Variants in CASR observed in about 807,000 individuals in gnomAD.
CASR encodes extracellular calcium-sensing receptor.
In CASR, 23 loss-of-function variants were observed where a neutral mutation model predicts 69.1. The ratio of observed to expected loss-of-function variants is 0.33; its 90% CI spans 0.24 to 0.47. The LOEUF (loss-of-function observed/expected upper bound fraction) is 0.47. Among genes scored for constraint, CASR ranks in the 20% least tolerant of loss-of-function variants. CASR has a pLI of 1.00. For synonymous variants in CASR, 541 were observed against 544.7 expected, an observed-to-expected ratio of 0.99 and a Z score of 0.10; for missense variants, 924 against 1,356.1, an observed-to-expected ratio of 0.68 and a Z score of 5.00.
chr3:122,244,989 T>C (rs2107617085), intron 1 of CASR, among the ~76,000 whole-genome samples: 1 of 152,294 alleles, frequency 6.6e-6, no homozygotes, highest in South Asian at 2.1e-4. Context: ...TTCTACCACA[T>C]ATTTTCTGGT....
intron 1 of CASR, among the ~76,000 whole-genome samples, chr3:122,245,184 G>T (rs1011157507): frequency 6.6e-6 from 1 of 152,108 alleles, no homozygotes; most frequent in Admixed American, 6.5e-5. Context: ...AATATAACGT[G>T]AATGCTCCAT....
intron 4 of CASR, among the ~76,000 whole-genome samples, chr3:122,271,451 A>G (rs2074756570): frequency 6.6e-6 from 1 of 152,140 alleles, no homozygotes; most frequent in Non-Finnish European, 1.5e-5. Context: ...TGGACTTGCC[A>G]TGTCTCATTA....
At chr3:122,237,653 A>G (rs1390839689) in intron 1 of CASR, among the ~76,000 whole-genome samples, 1 of 152,256 alleles carries the variant, frequency 6.6e-6, no homozygotes, top group East Asian at 1.9e-4. Flanking sequence ...AAGATTACAT[A>G]TAGTATGATA....
At position 122,262,106 on chromosome 3, in the gene CASR, C is replaced by T. The variant is rs778151252; in HGVS notation, c.1071C>T (p.Asn357=). 1 of 1,614,196 alleles carries T rather than the reference C, an allele frequency of 6.2e-7. No homozygotes were observed. The highest frequency in any genetic ancestry group is 1.1e-5 in the South Asian group (1 of 91,082). Residue 357 remains asparagine (N), a synonymous_variant, in exon 4 of 7, where the codon AAC becomes AAT. Transcript: ENST00000639785. ...AGGAGTTTTGGGAAGAAACATTTAA[C>T]TGCCACCTCCAAGAAGGTGCAAAAG... ...FAKEFWEETF[N]CHLQEGAKGP... is the part of the protein sequence containing the mutation.
intron 1 of CASR, among the ~76,000 whole-genome samples, chr3:122,238,220 T>A (rs183931465): frequency 4.6e-5 from 7 of 152,276 alleles, no homozygotes; most frequent in African/African-American, 1.7e-4. Context: ...AGTGGCCGTG[T>A]GGTGCAAGAG....
At chr3:122,258,003 C>A (rs551406629) in intron 3 of CASR, among the ~76,000 whole-genome samples, 1 of 152,212 alleles carries the variant, frequency 6.6e-6, no homozygotes, top group Admixed American at 6.5e-5. Context: ...CATTTACTAA[C>A]AGTTTATTGA....
chr3:122,241,115 C>A (rs1459037920), intron 1 of CASR, among the ~76,000 whole-genome samples: 1 of 151,670 alleles, frequency 6.6e-6, no homozygotes, highest in Non-Finnish European at 1.5e-5. Flanking sequence ...AATGATGCAT[C>A]TTAAAGAACT....
chr3:122,257,468 C>T (rs746089493), intron 3 of CASR, 81 bp downstream of exon 3: 13 of 991,286 alleles, frequency 1.3e-5, no homozygotes, highest in African/African-American at 7.9e-5. Context: ...AATAGCCATA[C>T]GGTTTACCAT....
chr3:122,211,939 G>A (rs2074071595), intron 1 of CASR, among the ~76,000 whole-genome samples: 1 of 152,150 alleles, frequency 6.6e-6, no homozygotes, highest in Non-Finnish European at 1.5e-5. Context: ...TGGAGAAATA[G>A]GAATGCTTTT....
At chr3:122,199,436 C>T (rs6764691) in intron 1 of CASR, among the ~76,000 whole-genome samples, 26,602 of 152,096 alleles carry the variant, frequency 0.17, 2,411 homozygotes, top group African/African-American at 0.21. Context: ...ATTGTATTTG[C>T]AGTGGTGTTT....
chr3:122,274,753 A>T (rs3792289), intron 4 of CASR, among the ~76,000 whole-genome samples: 3 of 152,122 alleles, frequency 2.0e-5, no homozygotes, highest in Admixed American at 6.5e-5. Context: ...CCAAAAAAAA[A>T]TTAGCTCAGA....
chr3:122,252,468 G>GAAAGAA (rs2074507561), intron 1 of CASR, among the ~76,000 whole-genome samples: 1 of 88,546 alleles, frequency 1.1e-5, no homozygotes, highest in Non-Finnish European at 2.2e-5. Context: ...AGAAAGAAAA[G>GAAAGAA]AAAAGAAGGG....
At chr3:122,206,493 AT>A (rs1359198369) in intron 1 of CASR, among the ~76,000 whole-genome samples, 2 of 151,874 alleles carry the variant, frequency 1.3e-5, no homozygotes, top group East Asian at 3.9e-4. Flanking sequence ...TTTGTTGAGA[AT>A]TTTTACATCT....
chr3:122,192,021 A>C lies in CASR; in HGVS notation c.-243+8209A>C, dbSNP rs1346593697. On this transcript the variant is annotated intron_variant, in intron 1 of 6. Transcript: ENST00000639785. ...TTGACCAAAGAATTTCATTTTGGGG[A>C]TTGTATCATTAAGAAATTATCAGAA... Among the ~76,000 whole-genome samples the C allele has an allele frequency of 3.9e-5, 6 of 152,360 alleles. No homozygotes were observed. The East Asian group carries it at 1.2e-3, about 29-fold the overall frequency.
chr3:122,243,652 A>G (rs908977792), intron 1 of CASR, among the ~76,000 whole-genome samples: 4 of 152,114 alleles, frequency 2.6e-5, no homozygotes, highest in Non-Finnish European at 5.9e-5. Flanking sequence ...CTACCATACA[A>G]TCCAGTAATC....
intron 4 of CASR, among the ~76,000 whole-genome samples, chr3:122,273,434 G>C (rs1431880143): frequency 6.6e-6 from 1 of 152,162 alleles, no homozygotes; most frequent in Non-Finnish European, 1.5e-5. Context: ...TTAAGTATTA[G>C]AACAGGGACT....
At chr3:122,248,396 C>T (rs922294708) in intron 1 of CASR, among the ~76,000 whole-genome samples, 16 of 152,108 alleles carry the variant, frequency 1.1e-4, no homozygotes, top group African/African-American at 3.9e-4. Context: ...TTTATTTTTC[C>T]TGTTCACCCT....
At chr3:122,226,833 T>C (rs966301939) in intron 1 of CASR, among the ~76,000 whole-genome samples, 2 of 152,050 alleles carry the variant, frequency 1.3e-5, no homozygotes, top group African/African-American at 4.8e-5. Flanking sequence ...AGAGTGCCTA[T>C]TGGTGCATTC....
chr3:122,211,386 T>A (rs549625054), intron 1 of CASR, among the ~76,000 whole-genome samples: 36 of 151,856 alleles, frequency 2.4e-4, no homozygotes, highest in Non-Finnish European at 4.6e-4. Context: ...TTAAACAAAT[T>A]TACAAGAAAA....
Sources: allele counts gnomAD v4.1 joint callset (sites outside exome capture counted in the v4.1 genomes callset), GRCh38; gene constraint gnomAD v4.1.1; transcripts MANE v1.5; gene names NCBI Gene and HGNC (gene_info 2026-07-23, HGNC 2026-07-21).